STK32B: variants seen among roughly 807,000 people sequenced by gnomAD.
The protein encoded by STK32B is serine/threonine-protein kinase 32B.
A neutral mutation model predicts 52.6 loss-of-function variants in STK32B; 43 were observed. The observed-to-expected ratio is 0.82, with a 90% CI of 0.64 to 1.05. The LOEUF (loss-of-function observed/expected upper bound fraction) is 1.05. Among genes scored for constraint, STK32B ranks in the 50% least tolerant of loss-of-function variants. The pLI is 0.00. For synonymous variants in STK32B, 238 were observed against 204.3 expected, an observed-to-expected ratio of 1.17 and a Z score of -1.41; for missense variants, 621 against 534.6, an observed-to-expected ratio of 1.16 and a Z score of -1.59.
At chr4:5,473,153 C>G (rs1299506352) in intron 11 of STK32B, among the ~76,000 whole-genome samples, 1 of 152,224 alleles carries the variant, frequency 6.6e-6, no homozygotes, top group South Asian at 2.1e-4. Flanking sequence ...TCTCCTAGTT[C>G]CCAGGCTCTT....
At chr4:5,286,247 C>T (rs573412849) in intron 3 of STK32B, among the ~76,000 whole-genome samples, 4 of 152,152 alleles carry the variant, frequency 2.6e-5, no homozygotes, top group Non-Finnish European at 5.9e-5. Flanking sequence ...ATTTTACACC[C>T]AACAGATGAG....
intron 3 of STK32B, among the ~76,000 whole-genome samples, chr4:5,170,760 C>T (rs1322032526): frequency 6.6e-6 from 1 of 152,190 alleles, no homozygotes; most frequent in African/African-American, 2.4e-5. Context: ...AATAGTGCCG[C>T]AGTAAACATA....
At chr4:5,317,177 A>T (rs1264609809) in intron 3 of STK32B, among the ~76,000 whole-genome samples, 1 of 46,534 alleles carries the variant, frequency 2.1e-5, no homozygotes, top group Non-Finnish European at 2.9e-5. Context: ...TATAACATAT[A>T]ATATATATAT....
In STK32B at chr4:5,419,666, G is replaced by A. The variant is rs945559380; in HGVS notation, c.562+2732G>A. 5.3e-5 allele frequency among the ~76,000 whole-genome samples: 8 copies of A among 152,114 alleles called. No individual in the cohort carries two copies. In the East Asian group the frequency reaches 5.8e-4, roughly 11 times the overall value. ...TTCCGTGTAGAAATCACTACCATGC[G>A]CTTCTTGTCACTGTTGTGTTTTGCT... On this transcript the variant is annotated intron_variant, in intron 6 of 11. Transcript: ENST00000282908.
intron 3 of STK32B, among the ~76,000 whole-genome samples, chr4:5,225,601 G>C (rs1401249845): frequency 2.6e-5 from 4 of 152,092 alleles, no homozygotes; most frequent in African/African-American, 9.7e-5. Context: ...GTGGCTGACA[G>C]GTTCAGAACC....
chr4:5,074,971 C>T, intron 1 of STK32B, among the ~76,000 whole-genome samples: 1 of 152,274 alleles, frequency 6.6e-6, no homozygotes, highest in Non-Finnish European at 1.5e-5. Context: ...CAACACTGGG[C>T]AGCTACTGAA....
At chr4:5,134,452 A>G (rs1012643591) in intron 1 of STK32B, among the ~76,000 whole-genome samples, 1 of 152,142 alleles carries the variant, frequency 6.6e-6, no homozygotes, top group Non-Finnish European at 1.5e-5. Context: ...ATGATGCAGA[A>G]AGAAGGCCCT....
chr4:5,304,081 C>T (rs1031065638), intron 3 of STK32B, among the ~76,000 whole-genome samples: 7 of 151,992 alleles, frequency 4.6e-5, no homozygotes, highest in African/African-American at 1.4e-4. Context: ...GTGACTGTGG[C>T]CTTACAGTAT....
chr4:5,206,291 G>A (rs1006779327), intron 3 of STK32B, among the ~76,000 whole-genome samples: 4 of 152,192 alleles, frequency 2.6e-5, no homozygotes, highest in African/African-American at 9.6e-5. Flanking sequence ...CCCCTCCACA[G>A]TAGGATGGTC....
chr4:5,090,457 A>G (rs61048669), intron 1 of STK32B, among the ~76,000 whole-genome samples: 64,598 of 147,266 alleles, frequency 0.44, 14,324 homozygotes, highest in African/African-American at 0.5. Flanking sequence ...CTCACTGCAA[A>G]CTCTGCCTCC....
At chr4:5,089,662 C>T (rs112399667) in intron 1 of STK32B, among the ~76,000 whole-genome samples, 43 of 152,130 alleles carry the variant, frequency 2.8e-4, no homozygotes, top group African/African-American at 9.2e-4. Flanking sequence ...AGCAATAAAC[C>T]TAGGTGTGCA....
At chr4:5,416,164 T>G (rs1414691855) in intron 5 of STK32B, among the ~76,000 whole-genome samples, 1 of 152,216 alleles carries the variant, frequency 6.6e-6, no homozygotes, top group Non-Finnish European at 1.5e-5. Context: ...ACTGACCATT[T>G]GGGTGTTTCC....
chr4:5,316,977 A>C (rs866058454), intron 3 of STK32B, among the ~76,000 whole-genome samples: 1 of 17,718 alleles, frequency 5.6e-5, no homozygotes, highest in South Asian at 1.7e-3. Context: ...TAATATATAT[A>C]ATATATAATA....
intron 1 of STK32B, among the ~76,000 whole-genome samples, chr4:5,126,703 G>A (rs1301418805): frequency 6.6e-6 from 1 of 152,198 alleles, no homozygotes; most frequent in Non-Finnish European, 1.5e-5. Flanking sequence ...CCTCAGCAGT[G>A]CAACTTAGGA....
intron 8 of STK32B, among the ~76,000 whole-genome samples, chr4:5,457,917 GAGGA>G (rs1211577042): frequency 1.4e-5 from 2 of 146,008 alleles, no homozygotes; most frequent in Admixed American, 6.9e-5. Flanking sequence ...TGGAGGGAGA[GAGGA>G]AGGAAGGAGG....
intron 3 of STK32B, among the ~76,000 whole-genome samples, chr4:5,203,211 C>G (rs1332760721): frequency 6.6e-6 from 1 of 152,162 alleles, no homozygotes; most frequent in East Asian, 1.9e-4. Context: ...AACAAAAGAG[C>G]ATCCCCCATC....
At position 5,051,642 on chromosome 4, in the gene STK32B, G is replaced by T; in HGVS notation, c.-222G>T. On this transcript the variant is annotated 5_prime_UTR_variant, in exon 1 of 12. Transcript: ENST00000282908. ...AGCCCGAGGCGGGGCACGGCGGAAG[G>T]CGCGGCGAGAGCGGGGTCCCTGCGA... The T allele has an allele frequency of 1.8e-6, 1 of 542,584 alleles. No individual in the cohort carries two copies. The highest frequency in any genetic ancestry group is 3.1e-6 in the Non-Finnish European group (1 of 319,180). The allele number at this position is 542,584 out of a possible 1,614,324, so 33.6% of individuals were successfully genotyped here.
chr4:5,050,312 G>A (rs1276035767), upstream of STK32B, among the ~76,000 whole-genome samples: 1 of 152,140 alleles, frequency 6.6e-6, no homozygotes, highest in Non-Finnish European at 1.5e-5. Flanking sequence ...GAACTCCAAA[G>A]TGGGACACAT....
intron 3 of STK32B, among the ~76,000 whole-genome samples, chr4:5,209,186 G>A (rs1331124661): frequency 3.3e-5 from 5 of 152,128 alleles, no homozygotes; most frequent in South Asian, 2.1e-4. Context: ...GAGAGATATC[G>A]GAAGACTTAT....
Sources: allele counts gnomAD v4.1 joint callset (sites outside exome capture counted in the v4.1 genomes callset), GRCh38; gene constraint gnomAD v4.1.1; transcripts MANE v1.5; gene names NCBI Gene and HGNC (gene_info 2026-07-23, HGNC 2026-07-21).